The following TMEM164 variants were observed in gnomAD, a reference collection of about 807,000 sequenced individuals.
TMEM164 encodes RP13-360B22.2.
Under a neutral mutation model 18.8 loss-of-function variants are expected in TMEM164, and 4 were observed. The observed-to-expected ratio is 0.21, with a 90% CI of 0.10 to 0.49. The LOEUF (loss-of-function observed/expected upper bound fraction) is 0.49, where lower values mean the gene tolerates loss of function less well. Ranked by LOEUF, TMEM164 falls within the 20% of genes least tolerant of loss-of-function variation. The pLI is 0.98. For missense variants in TMEM164, 108 were observed against 239.9 expected, an observed-to-expected ratio of 0.45 and a Z score of 3.63; for synonymous variants, 86 against 101.7, an observed-to-expected ratio of 0.85 and a Z score of 0.93.
intron 5 of TMEM164, among the ~76,000 whole-genome samples, chrX:110,168,936 T>TATCTC (rs1316833331): frequency 8.9e-6 from 1 of 112,581 alleles, no homozygotes; most frequent in Non-Finnish European, 1.9e-5. Flanking sequence ...TACGGTATAT[T>TATCTC]ATCTCATCTC....
intron 2 of TMEM164, among the ~76,000 whole-genome samples, chrX:110,056,093 A>G (rs762014512): frequency 9.0e-6 from 1 of 111,656 alleles, no homozygotes; most frequent in East Asian, 2.8e-4. Flanking sequence ...ATATTCACAT[A>G]TATGTGCAAC....
At chrX:110,135,237 TAA>T (rs59248499) in intron 4 of TMEM164, among the ~76,000 whole-genome samples, 1 of 100,458 alleles carries the variant, frequency 1.0e-5, no homozygotes. Flanking sequence ...CCTTTTCTTC[TAA>T]AAAAAAAAAG....
intron 3 of TMEM164, among the ~76,000 whole-genome samples, chrX:110,087,955 A>G (rs751919703): frequency 8.9e-6 from 1 of 111,781 alleles, no homozygotes; most frequent in Non-Finnish European, 1.9e-5. Flanking sequence ...GCCAAGGTAG[A>G]CGAGGGAAGC....
At chrX:110,026,349 A>G (rs1435485256) in intron 2 of TMEM164, among the ~76,000 whole-genome samples, 1 of 111,664 alleles carries the variant, frequency 9.0e-6, no homozygotes, top group East Asian at 2.8e-4. Context: ...GTGTTCCTCT[A>G]CTAATTACTC....
chrX:110,008,765 G>A (rs2147667022), intron 2 of TMEM164, among the ~76,000 whole-genome samples: 1 of 111,185 alleles, frequency 9.0e-6, no homozygotes, highest in African/African-American at 3.3e-5. Flanking sequence ...TCCTATCTCA[G>A]TCTTCTCTGT....
At chrX:110,011,254 A>C (rs1483584627) in intron 2 of TMEM164, among the ~76,000 whole-genome samples, 1 of 112,385 alleles carries the variant, frequency 8.9e-6, no homozygotes, top group Non-Finnish European at 1.9e-5. Flanking sequence ...ATGGACAAGG[A>C]AATAGATCAA....
intron 2 of TMEM164, among the ~76,000 whole-genome samples, chrX:110,012,945 G>T (rs1024224497): frequency 8.9e-6 from 1 of 112,088 alleles, no homozygotes; most frequent in Non-Finnish European, 1.9e-5. Flanking sequence ...GCTGGGTGGT[G>T]TTGAGGGAAG....
intron 3 of TMEM164, among the ~76,000 whole-genome samples, chrX:110,098,135 A>G (rs911549210): frequency 8.0e-5 from 9 of 112,404 alleles, no homozygotes; most frequent in Non-Finnish European, 1.5e-4. Flanking sequence ...CCTTTGGAGA[A>G]TGTCATACAA....
At chrX:110,070,932 A>C (rs1437076771) in intron 3 of TMEM164, among the ~76,000 whole-genome samples, 3 of 111,094 alleles carry the variant, frequency 2.7e-5, no homozygotes, top group Non-Finnish European at 5.7e-5. Flanking sequence ...ATTTTATTTT[A>C]GTTTTATCTC....
intron 5 of TMEM164, among the ~76,000 whole-genome samples, chrX:110,169,134 G>T (rs2067196394): frequency 8.9e-6 from 1 of 111,930 alleles, no homozygotes; most frequent in Admixed American, 9.4e-5. Flanking sequence ...ATGTCCTAGA[G>T]TACAGGCAGC....
chrX:110,066,423 C>T (rs897768069), intron 2 of TMEM164, among the ~76,000 whole-genome samples: 6 of 112,103 alleles, frequency 5.4e-5, no homozygotes, highest in African/African-American at 1.9e-4. Context: ...TTTTTGACTC[C>T]TGTAGTAGTT....
intron 3 of TMEM164, among the ~76,000 whole-genome samples, chrX:110,072,437 C>A (rs377358264): frequency 1.8e-5 from 2 of 110,543 alleles, no homozygotes; most frequent in East Asian, 5.6e-4. Flanking sequence ...CTATTCAAAT[C>A]TTTTTGGGTC....
chrX:110,097,779 TTAAGTG>T (rs1311399576), intron 3 of TMEM164, among the ~76,000 whole-genome samples: 2 of 111,924 alleles, frequency 1.8e-5, no homozygotes, highest in South Asian at 3.7e-4. Context: ...GTTTAAAACT[TTAAGTG>T]TAAAGAAAAA....
chrX:110,152,721 T>C (rs2066961534), intron 5 of TMEM164, among the ~76,000 whole-genome samples: 1 of 110,787 alleles, frequency 9.0e-6, no homozygotes, highest in Non-Finnish European at 1.9e-5. Context: ...AGACTCATCC[T>C]CTCCTTACCA....
intron 3 of TMEM164, among the ~76,000 whole-genome samples, chrX:110,086,648 GTATATATATA>G (rs55977456): frequency 4.0e-5 from 3 of 74,847 alleles, no homozygotes; most frequent in Non-Finnish European, 7.6e-5. Flanking sequence ...GTATATATAT[GTATATATATA>G]TGTGTGTGTG....
intron 2 of TMEM164, among the ~76,000 whole-genome samples, chrX:110,019,564 C>T (rs1331217747): frequency 8.9e-6 from 1 of 111,963 alleles, no homozygotes; most frequent in Non-Finnish European, 1.9e-5. Context: ...ATGCCATTCC[C>T]TTCCTCCAAA....
chrX:110,139,880 G>T (rs759089764), intron 4 of TMEM164, among the ~76,000 whole-genome samples: 1 of 110,553 alleles, frequency 9.0e-6, no homozygotes, highest in African/African-American at 3.3e-5. Context: ...ATTAGAGGGA[G>T]TGAATTGGCC....
chrX:110,067,268 G>T lies in TMEM164; in HGVS notation c.391-79G>T. ...TGTGTTAGAGTTTTGGTTATTTTTT[G>T]TTATTGTTAAAGTAACATTGTCTCA... On this transcript the variant is annotated intron_variant, in intron 2 of 6. Transcript: ENST00000372068. The T allele has an allele frequency of 1.0e-6, 1 of 981,962 alleles. No homozygotes were observed. 80.9% of individuals were successfully genotyped at this position (981,962 alleles called of 1,213,427 possible). A position where few individuals can be genotyped will look rare whatever the true frequency, so the allele number is the denominator to read the frequency against.
At chrX:110,172,566 C>T (rs1322919471) in intron 6 of TMEM164, among the ~76,000 whole-genome samples, 1 of 111,476 alleles carries the variant, frequency 9.0e-6, no homozygotes, top group East Asian at 2.8e-4. Flanking sequence ...GTACAAAGTT[C>T]ACACCCTTAC....
Sources: gnomAD v4.1 joint callset for allele counts (sites outside exome capture counted in the v4.1 genomes callset) on GRCh38, gnomAD v4.1.1 for gene constraint, MANE v1.5 for transcripts, NCBI Gene and HGNC (gene_info 2026-07-23, HGNC 2026-07-21) for gene names.